The following GRXCR2 variants were observed in gnomAD, a reference collection of about 807,000 sequenced individuals.
GRXCR2 encodes glutaredoxin domain-containing cysteine-rich protein 2.
GRXCR2 carries 23 observed loss-of-function variants against 24.8 expected under a neutral mutation model. The observed-to-expected ratio is 0.93, with a 90% CI of 0.67 to 1.32. The LOEUF (loss-of-function observed/expected upper bound fraction) is 1.32. Ranked by LOEUF, GRXCR2 falls within the 40% of genes most tolerant of loss-of-function variation. The pLI, the probability that GRXCR2 is intolerant of heterozygous loss-of-function variation, is 0.00. For missense variants in GRXCR2, 315 were observed against 303.4 expected (o/e 1.04, Z -0.28); for synonymous variants, 130 against 116.1 (o/e 1.12, Z -0.77).
At chr5:145,882,369 C>G (rs867214492) in intron 2 of GRXCR2, among the ~76,000 whole-genome samples, 3 of 152,258 alleles carry the variant, frequency 2.0e-5, no homozygotes, top group African/African-American at 7.2e-5. Flanking sequence ...AGGATATGAA[C>G]AGACACTTCT....
At chr5:145,892,526 G>C (rs1227364568) in intron 2 of GRXCR2, among the ~76,000 whole-genome samples, 3 of 152,076 alleles carry the variant, frequency 2.0e-5, no homozygotes, top group Admixed American at 2.0e-4. Context: ...TGGAAGAAAG[G>C]GTATCAGTGA....
upstream of GRXCR2, among the ~76,000 whole-genome samples, chr5:145,874,543 C>A (rs759213668): frequency 6.6e-6 from 1 of 152,088 alleles, no homozygotes; most frequent in African/African-American, 2.4e-5. Context: ...TTTCATCTAC[C>A]CCTATCACCC....
At chr5:145,900,007 A>G (rs1757002764) in intron 2 of GRXCR2, among the ~76,000 whole-genome samples, 1 of 152,184 alleles carries the variant, frequency 6.6e-6, no homozygotes, top group Non-Finnish European at 1.5e-5. Flanking sequence ...CAAACTCTGC[A>G]TCCGACAAAG....
chr5:145,896,990 T>TGGATG (rs1251684325), intron 2 of GRXCR2, among the ~76,000 whole-genome samples: 1 of 151,876 alleles, frequency 6.6e-6, no homozygotes, highest in Non-Finnish European at 1.5e-5. Context: ...TGTAGGGACA[T>TGGATG]GGATGAAGCT....
At chr5:145,894,617 G>T (rs1240750102) in intron 2 of GRXCR2, among the ~76,000 whole-genome samples, 1 of 152,078 alleles carries the variant, frequency 6.6e-6, no homozygotes, top group Admixed American at 6.5e-5. Flanking sequence ...CCAATAACAG[G>T]CTCTGAAATT....
chr5:145,907,623 G>A (rs1464440773), intron 2 of GRXCR2, among the ~76,000 whole-genome samples: 1 of 152,112 alleles, frequency 6.6e-6, no homozygotes, highest in African/African-American at 2.4e-5. Flanking sequence ...AGAGAGGGTG[G>A]TGACTCGGCC....
chr5:145,923,354 G>A (rs899711208), intron 2 of GRXCR2, among the ~76,000 whole-genome samples: 2 of 152,134 alleles, frequency 1.3e-5, no homozygotes, highest in African/African-American at 4.8e-5. Flanking sequence ...AAGAAAAAAT[G>A]CAGCTAACAG....
chr5:145,892,135 G>A (rs925536761), intron 2 of GRXCR2, among the ~76,000 whole-genome samples: 2 of 152,088 alleles, frequency 1.3e-5, no homozygotes, highest in South Asian at 4.1e-4. Flanking sequence ...CCATCTGTAC[G>A]TCACCATCAT....
At chr5:145,862,861 AG>A (rs761841207) in intron 2 of GRXCR2, among the ~76,000 whole-genome samples, 44 of 152,330 alleles carry the variant, frequency 2.9e-4, no homozygotes, top group Admixed American at 3.9e-4. Flanking sequence ...TCTACCTCAC[AG>A]GGTTCTTGAA....
intron 2 of GRXCR2, among the ~76,000 whole-genome samples, chr5:145,863,225 C>T (rs368525731): frequency 6.6e-6 from 1 of 152,220 alleles, no homozygotes; most frequent in Non-Finnish European, 1.5e-5. Context: ...CAAAGAGGCT[C>T]TTGGTCAGAA....
intron 2 of GRXCR2, among the ~76,000 whole-genome samples, chr5:145,864,206 G>A (rs1035568275): frequency 5.3e-5 from 8 of 152,206 alleles, no homozygotes; most frequent in African/African-American, 1.4e-4. Context: ...GGAGTCTGGG[G>A]ACATTCCAGG....
rs191337198 is a variant in GRXCR2, at chr5:145,882,686, G to T, written c.-69-15958C>A. ...CCCATTACTGGGTATATACCCAAAG[G>T]ATTATAAATCATGCTGCTGTAAAGA... On this transcript the variant is annotated intron_variant, in intron 2 of 3. Transcript: ENST00000639411. Among the ~76,000 whole-genome samples, 237 of 152,234 alleles carry T rather than the reference G, an allele frequency of 1.6e-3. 2 individuals are homozygous for T. Among genetic ancestry groups the T allele is most frequent in the Middle Eastern group, 6.8e-3 (2 of 294 alleles).
In GRXCR2 at chr5:145,859,438, A is replaced by T; in HGVS notation, c.*295T>A. 2 of 411,742 alleles carry T rather than the reference A, an allele frequency of 4.9e-6. No individual in the cohort carries two copies. Among genetic ancestry groups the T allele is most frequent in the Non-Finnish European group, 8.7e-6 (2 of 228,980 alleles). The allele number at this position is 411,742 out of a possible 1,614,324, so 25.5% of individuals were successfully genotyped here. On this transcript the variant is annotated 3_prime_UTR_variant, in exon 3 of 3. Coordinates refer to ENST00000377976, the MANE Select transcript of GRXCR2 (RefSeq NM_001080516.2). ...TGTACATGTATTTGCTCACTGAAGC[A>T]AGAAGAAAACTGAGCTAAGTCAAGT...
intron 2 of GRXCR2, among the ~76,000 whole-genome samples, chr5:145,862,043 A>G (rs1461183922): frequency 6.6e-6 from 1 of 152,244 alleles, no homozygotes; most frequent in Non-Finnish European, 1.5e-5. Context: ...AAGTATTCAA[A>G]ATAATACATA....
intron 2 of GRXCR2, among the ~76,000 whole-genome samples, chr5:145,884,869 C>A (rs548946455): frequency 6.6e-6 from 1 of 152,232 alleles, no homozygotes; most frequent in East Asian, 1.9e-4. Context: ...TATATCCTAT[C>A]TGTCTGATGT....
At chr5:145,887,023 C>G (rs1399815828) in intron 2 of GRXCR2, among the ~76,000 whole-genome samples, 1 of 152,194 alleles carries the variant, frequency 6.6e-6, no homozygotes, top group African/African-American at 2.4e-5. Context: ...TTGTTCCAAT[C>G]ATATTTAAAA....
At chr5:145,925,778 T>G (rs1169613943) in intron 2 of GRXCR2, among the ~76,000 whole-genome samples, 12 of 152,170 alleles carry the variant, frequency 7.9e-5, no homozygotes, top group Non-Finnish European at 1.6e-4. Flanking sequence ...AATGTCTAAT[T>G]GCTTTGACAG....
At chr5:145,868,425 ATTAT>A (rs2149910544) in intron 1 of GRXCR2, among the ~76,000 whole-genome samples, 1 of 152,306 alleles carries the variant, frequency 6.6e-6, no homozygotes, top group South Asian at 2.1e-4. Flanking sequence ...GTTTTCAATA[ATTAT>A]TTATTAAGCC....
intron 2 of GRXCR2, among the ~76,000 whole-genome samples, chr5:145,880,720 C>A (rs1391378764): frequency 1.3e-5 from 2 of 152,140 alleles, no homozygotes. Context: ...GGCAGAGACA[C>A]AACAAGAAAA....
Sources: allele counts gnomAD v4.1 joint callset (sites outside exome capture counted in the v4.1 genomes callset), GRCh38; gene constraint gnomAD v4.1.1; transcripts MANE v1.5; gene names NCBI Gene and HGNC (gene_info 2026-07-23, HGNC 2026-07-21).